Variants in CDK6 observed in about 807,000 individuals in gnomAD.
The protein encoded by CDK6 is cyclin dependent kinase 6.
Under a neutral mutation model 37.1 loss-of-function variants are expected in CDK6, and 6 were observed. The ratio of observed to expected loss-of-function variants is 0.16; its 90% CI spans 0.09 to 0.32. The LOEUF (loss-of-function observed/expected upper bound fraction) is 0.32. Ranked by LOEUF, CDK6 falls within the 10% of genes least tolerant of loss-of-function variation. The probability of loss-of-function intolerance (pLI) is 1.00; values close to 1 mark genes in which losing one functional copy is unlikely to be tolerated. For synonymous variants in CDK6, 160 were observed against 161.3 expected, an observed-to-expected ratio of 0.99 and a Z score of 0.06; for missense variants, 224 against 418.9, an observed-to-expected ratio of 0.53 and a Z score of 4.06.
At chr7:92,810,564 G>T (rs1014857035) in intron 2 of CDK6, among the ~76,000 whole-genome samples, 1 of 152,152 alleles carries the variant, frequency 6.6e-6, no homozygotes, top group African/African-American at 2.4e-5. Flanking sequence ...CTGTCATGAC[G>T]AAAAGAAGTG....
intron 2 of CDK6, among the ~76,000 whole-genome samples, chr7:92,827,525 T>C (rs939066499): frequency 1.3e-5 from 2 of 152,198 alleles, no homozygotes; most frequent in African/African-American, 4.8e-5. Flanking sequence ...AAATCAGGTA[T>C]GGCAGCAAAC....
At chr7:92,691,874 G>GT (rs1797606925) in intron 4 of CDK6, among the ~76,000 whole-genome samples, 1 of 152,248 alleles carries the variant, frequency 6.6e-6, no homozygotes, top group African/African-American at 2.4e-5. Context: ...CTCATTAAAT[G>GT]TAAGCGTAAA....
intron 5 of CDK6, among the ~76,000 whole-genome samples, chr7:92,628,444 G>A (rs1795979842): frequency 2.6e-5 from 4 of 152,118 alleles, no homozygotes; most frequent in Admixed American, 2.6e-4. Flanking sequence ...TCTGAGGACA[G>A]GGCCAACCCT....
At chr7:92,672,899 ATT>A (rs1185958681) in intron 4 of CDK6, among the ~76,000 whole-genome samples, 1 of 152,070 alleles carries the variant, frequency 6.6e-6, no homozygotes, top group Admixed American at 6.6e-5. Flanking sequence ...TTCTCTCCTT[ATT>A]TGCACACACT....
At chr7:92,635,136 C>T (rs181345252) in intron 5 of CDK6, among the ~76,000 whole-genome samples, 10 of 152,098 alleles carry the variant, frequency 6.6e-5, no homozygotes, top group Non-Finnish European at 1.5e-4. Context: ...GCAGCTAAAG[C>T]GTTATTTTTG....
chr7:92,626,728 T>C (rs1247445578), intron 5 of CDK6, among the ~76,000 whole-genome samples: 2 of 152,020 alleles, frequency 1.3e-5, no homozygotes, highest in East Asian at 3.9e-4. Flanking sequence ...AAGAAGATGA[T>C]CAGAACTTGA....
At position 92,607,484 on chromosome 7, in the gene CDK6, T is replaced by C; in HGVS notation, c.*7656A>G. The C allele has an allele frequency of 1.3e-5, 3 of 233,000 alleles. No individual in the cohort carries two copies. The highest frequency in any genetic ancestry group is 6.6e-5 in the African/African-American group (3 of 45,454). The allele number at this position is 233,000 out of a possible 1,614,324, so 14.4% of individuals were successfully genotyped here. A position where few individuals can be genotyped will look rare whatever the true frequency, so the allele number is the denominator to read the frequency against. The stretch of plus-strand genomic sequence containing the variant: ...TGATAAAACACCTAGATACCCAAAA[T>C]ACTACATCTATATATTCAAATCTAC... On this transcript the variant is annotated 3_prime_UTR_variant, in exon 8 of 8. Coordinates refer to ENST00000424848, the MANE Select transcript of CDK6 (RefSeq NM_001145306.2).
chr7:92,723,643 A>C (rs1798418695), intron 4 of CDK6, among the ~76,000 whole-genome samples: 1 of 152,172 alleles, frequency 6.6e-6, no homozygotes, highest in Admixed American at 6.5e-5. Context: ...CTTTATTATT[A>C]CCATTAAATT....
chr7:92,762,121 C>T (rs1238735181), intron 3 of CDK6, among the ~76,000 whole-genome samples: 1 of 152,058 alleles, frequency 6.6e-6, no homozygotes, highest in Admixed American at 6.6e-5. Flanking sequence ...TTGAGGTTTA[C>T]AAGATCAATT....
At chr7:92,797,766 A>G (rs1800451904) in intron 2 of CDK6, among the ~76,000 whole-genome samples, 1 of 152,210 alleles carries the variant, frequency 6.6e-6, no homozygotes, top group Non-Finnish European at 1.5e-5. Flanking sequence ...ACTTTTGAAA[A>G]GGCTAATTGT....
intron 5 of CDK6, among the ~76,000 whole-genome samples, chr7:92,654,263 T>C (rs1796640093): frequency 6.6e-6 from 1 of 152,060 alleles, no homozygotes; most frequent in African/African-American, 2.4e-5. Context: ...TTTTAGAAAT[T>C]TTCTTCTGAT....
At chr7:92,806,690 A>G (rs911428257) in intron 2 of CDK6, among the ~76,000 whole-genome samples, 1 of 152,186 alleles carries the variant, frequency 6.6e-6, no homozygotes, top group Non-Finnish European at 1.5e-5. Flanking sequence ...AAAAACCAAT[A>G]GAAATTTTGC....
rs530294070 is a variant in CDK6, at chr7:92,621,879, G to A, written c.698+1157C>T. On this transcript the variant is annotated intron_variant, in intron 6 of 7. Coordinates refer to ENST00000424848, the MANE Select transcript of CDK6 (RefSeq NM_001145306.2). Reference sequence around the variant, plus strand: ...TATGTTCTGACTCAGCAGTAGCACTGGCATTAACAGAAGTCTAGCTGCTTC... The same window carrying A: ...TATGTTCTGACTCAGCAGTAGCACTAGCATTAACAGAAGTCTAGCTGCTTC... Among the ~76,000 whole-genome samples the A allele has an allele frequency of 4.6e-5, 7 of 152,230 alleles. No homozygotes were observed. In the South Asian group the frequency reaches 1.2e-3, roughly 27 times the overall value.
chr7:92,632,752 T>C (rs1376723657), intron 5 of CDK6, among the ~76,000 whole-genome samples: 1 of 152,022 alleles, frequency 6.6e-6, no homozygotes, highest in Non-Finnish European at 1.5e-5. Context: ...ATATCTACTA[T>C]GTATCCACAA....
chr7:92,813,019 A>C (rs1800928889), intron 2 of CDK6, among the ~76,000 whole-genome samples: 1 of 152,236 alleles, frequency 6.6e-6, no homozygotes, highest in African/African-American at 2.4e-5. Context: ...TAAGTAAGTT[A>C]CAACTAAATT....
chr7:92,830,523 T>C (rs1055953537), intron 2 of CDK6, among the ~76,000 whole-genome samples: 3 of 152,096 alleles, frequency 2.0e-5, no homozygotes, highest in African/African-American at 7.2e-5. Flanking sequence ...CAATAGTAAA[T>C]CACAGGTTTG....
At chr7:92,710,581 T>A in intron 4 of CDK6, 3 of 321,952 alleles carry the variant, frequency 9.3e-6, no homozygotes, top group Non-Finnish European at 1.3e-5. Context: ...TTTGATTGGA[T>A]ATTTTGTACT....
intron 6 of CDK6, among the ~76,000 whole-genome samples, chr7:92,619,624 T>G (rs117605634): frequency 6.6e-6 from 1 of 151,732 alleles, no homozygotes; most frequent in Non-Finnish European, 1.5e-5. Context: ...TCAAGATCTG[T>G]AGCACTTCAT....
chr7:92,817,635 A>C (rs1365155272), intron 2 of CDK6, among the ~76,000 whole-genome samples: 1 of 151,860 alleles, frequency 6.6e-6, no homozygotes, highest in African/African-American at 2.4e-5. Context: ...ACATTTTTCT[A>C]GAGGTTCTAG....
Sources: gnomAD v4.1 joint callset for allele counts (sites outside exome capture counted in the v4.1 genomes callset) on GRCh38, gnomAD v4.1.1 for gene constraint, MANE v1.5 for transcripts, NCBI Gene and HGNC (gene_info 2026-07-23, HGNC 2026-07-21) for gene names.